Variants in BMP1 observed in about 807,000 individuals in gnomAD.
The protein encoded by BMP1 is bone morphogenetic protein 1.
Under a neutral mutation model 116.8 loss-of-function variants are expected in BMP1, and 63 were observed. That is an observed-to-expected ratio of 0.54 (90% CI 0.44 to 0.67). BMP1 has a LOEUF of 0.67. Ranked by LOEUF, BMP1 falls within the 30% of genes least tolerant of loss-of-function variation. BMP1 has a pLI of 0.00. For synonymous variants in BMP1, 536 were observed against 533.4 expected, an observed-to-expected ratio of 1.00 and a Z score of -0.07; for missense variants, 1,183 against 1,358.9, an observed-to-expected ratio of 0.87 and a Z score of 2.04.
chr8:22,185,152 G>A (rs13264093), intron 8 of BMP1, among the ~76,000 whole-genome samples: 1 of 152,100 alleles, frequency 6.6e-6, no homozygotes, highest in Non-Finnish European at 1.5e-5. Flanking sequence ...AGGAGGAGAC[G>A]GTTTTAAGAA....
rs1288201714 is a variant in BMP1, at chr8:22,194,009, G to A, written c.1181-49G>A. ...CTCCTGGAGAGGTGGGGCCTCTATAGGGGGTGTCCTCAGGGTTCACCACTC... is the reference window on the plus strand; with the variant it reads ...CTCCTGGAGAGGTGGGGCCTCTATAAGGGGTGTCCTCAGGGTTCACCACTC... On this transcript the variant is annotated intron_variant, in intron 9 of 19. Coordinates refer to ENST00000306385, the MANE Select transcript of BMP1 (RefSeq NM_006129.5). The surrounding 1 kb of genome is among the most constrained non-coding windows in gnomAD (Gnocchi z 4.5). 6.7e-7 allele frequency: 1 copy of A among 1,500,494 alleles called. No homozygotes were observed. Among genetic ancestry groups the A allele is most frequent in the Admixed American group, 1.7e-5 (1 of 59,658 alleles). 92.9% of individuals were successfully genotyped at this position (1,500,494 alleles called of 1,614,324 possible).
chr8:22,165,623 G>C (rs1438647248), intron 1 of BMP1, 70 bp downstream of exon 1: 24 of 1,470,468 alleles, frequency 1.6e-5, no homozygotes, highest in Non-Finnish European at 1.8e-5. Context: ...CTTGGGGTTG[G>C]GGGAGGACAG....
At chr8:22,200,732 G>A (rs1223661581) in intron 15 of BMP1, among the ~76,000 whole-genome samples, 2 of 152,042 alleles carry the variant, frequency 1.3e-5, no homozygotes, top group Admixed American at 6.5e-5. Flanking sequence ...TGTAGATGTC[G>A]CCGCCTGAAT....
intron 8 of BMP1, among the ~76,000 whole-genome samples, chr8:22,183,148 G>A (rs541355404): frequency 2.0e-5 from 3 of 152,312 alleles, no homozygotes; most frequent in African/African-American, 7.2e-5. Flanking sequence ...CCAGTATATG[G>A]CCCATGCCTG....
At chr8:22,207,201 G>A in intron 17 of BMP1, 102 bp from the exon 18 acceptor site, 3 of 1,412,114 alleles carry the variant, frequency 2.1e-6, no homozygotes, top group Non-Finnish European at 2.9e-6. Context: ...AGCTGTGGCT[G>A]CTCCCATGGG....
intron 16 of BMP1, 118 bp downstream of exon 16, chr8:22,202,046 G>A: frequency 2.1e-6 from 3 of 1,397,028 alleles, no homozygotes; most frequent in South Asian, 1.5e-5. Flanking sequence ...GATCTCTAAG[G>A]CCCCCTCATT....
intron 1 of BMP1, among the ~76,000 whole-genome samples, chr8:22,169,096 G>T (rs528382083): frequency 6.6e-6 from 1 of 151,608 alleles, no homozygotes; most frequent in East Asian, 1.9e-4. Flanking sequence ...GAGCTCGAGA[G>T]TTCAAGGCTG....
At chr8:22,178,991 T>G (rs1828534820) in intron 6 of BMP1, among the ~76,000 whole-genome samples, 1 of 152,056 alleles carries the variant, frequency 6.6e-6, no homozygotes, top group Non-Finnish European at 1.5e-5. Context: ...GACCCGGCCT[T>G]ACATTTCCCA....
chr8:22,176,447 C>A, intron 3 of BMP1, 86 bp from the exon 4 acceptor site: 4 of 1,562,164 alleles, frequency 2.6e-6, no homozygotes, highest in Non-Finnish European at 3.5e-6. Context: ...GCAGTCTGCC[C>A]TCAGAATGGC....
At chr8:22,168,817 C>CT (rs892045525) in intron 1 of BMP1, among the ~76,000 whole-genome samples, 3 of 151,098 alleles carry the variant, frequency 2.0e-5, no homozygotes, top group African/African-American at 7.3e-5. Flanking sequence ...AATTTGTACT[C>CT]TCCCTGGGCC....
chr8:22,172,433 T>TA (rs1563239048), intron 1 of BMP1, among the ~76,000 whole-genome samples: 2 of 152,076 alleles, frequency 1.3e-5, no homozygotes, highest in South Asian at 2.1e-4. Context: ...AATGGCCCTT[T>TA]AGGGAGGCTC....
intron 15 of BMP1, among the ~76,000 whole-genome samples, chr8:22,200,763 C>T (rs936932883): frequency 6.6e-6 from 1 of 152,112 alleles, no homozygotes; most frequent in African/African-American, 2.4e-5. Flanking sequence ...GCAGAGCTCT[C>T]CCCAGCCCTT....
At chr8:22,168,424 C>T (rs1828178542) in intron 1 of BMP1, among the ~76,000 whole-genome samples, 1 of 152,204 alleles carries the variant, frequency 6.6e-6, no homozygotes, top group African/African-American at 2.4e-5. Context: ...AATTGGGACA[C>T]AGTTGATCCC....
At chr8:22,190,792 C>G (rs554453709) in intron 8 of BMP1, among the ~76,000 whole-genome samples, 1 of 152,186 alleles carries the variant, frequency 6.6e-6, no homozygotes. Flanking sequence ...CTCCACTCTG[C>G]CTCTAACTCT....
At chr8:22,193,257 C>T (rs950476770) in intron 9 of BMP1, among the ~76,000 whole-genome samples, 9 of 152,318 alleles carry the variant, frequency 5.9e-5, no homozygotes, top group African/African-American at 2.2e-4. Flanking sequence ...TCCCCAGATT[C>T]TGTGATTTAT....
chr8:22,210,468 T>TCTCTCTCTCTCTCACACACACA (rs10664439), intron 19 of BMP1, among the ~76,000 whole-genome samples: 3 of 135,500 alleles, frequency 2.2e-5, no homozygotes, highest in Non-Finnish European at 4.6e-5. Flanking sequence ...TCTCTCTCTC[T>TCTCTCTCTCTCTCACACACACA]CACACACATA....
chr8:22,200,327 G>A (rs954611013), intron 15 of BMP1, among the ~76,000 whole-genome samples: 1 of 152,178 alleles, frequency 6.6e-6, no homozygotes, highest in Admixed American at 6.5e-5. Flanking sequence ...GCCTTTACGC[G>A]TGACTTTGTA....
rs531201221 is a variant in BMP1, at chr8:22,182,294, G to A, written c.1077+1811G>A. Among the ~76,000 whole-genome samples, 142 of 152,206 alleles carry A rather than the reference G, an allele frequency of 9.3e-4. 1 individual carries two copies. In the South Asian group the frequency reaches 0.016, roughly 17 times the overall value. On this transcript the variant is annotated intron_variant, in intron 8 of 19. Coordinates refer to ENST00000306385, the MANE Select transcript of BMP1 (RefSeq NM_006129.5). Reference sequence around the variant, plus strand: ...TGATAAGCATGACTTCTAGGTCTTCGTCCTGGCCTTTGATCAAAACATAGA... The same window carrying A: ...TGATAAGCATGACTTCTAGGTCTTCATCCTGGCCTTTGATCAAAACATAGA...
At chr8:22,207,193 C>T in intron 17 of BMP1, 110 bp from the exon 18 acceptor site, 1 of 1,399,878 alleles carries the variant, frequency 7.1e-7, no homozygotes, top group East Asian at 2.3e-5. Flanking sequence ...TCATCCCCAG[C>T]TGTGGCTGCT....
Sources: allele counts gnomAD v4.1 joint callset (sites outside exome capture counted in the v4.1 genomes callset), GRCh38; gene constraint gnomAD v4.1.1; non-coding constraint Gnocchi (gnomAD v3.1); transcripts MANE v1.5; gene names NCBI Gene and HGNC (gene_info 2026-07-23, HGNC 2026-07-21).